Variants in TMC1 observed in about 807,000 individuals in gnomAD.
TMC1 encodes the protein transmembrane channel like 1, also known as transmembrane channel-like protein 1.
A neutral mutation model predicts 105.8 loss-of-function variants in TMC1; 84 were observed. That is an observed-to-expected ratio of 0.79 (90% CI 0.67 to 0.95). The LOEUF is 0.95. Ranked by LOEUF, TMC1 falls within the 40% of genes least tolerant of loss-of-function variation. The pLI is 0.00. For missense variants in TMC1, 817 were observed against 914.1 expected (o/e 0.89, Z 1.37); for synonymous variants, 315 against 311.5 (o/e 1.01, Z -0.12).
intron 1 of TMC1, among the ~76,000 whole-genome samples, chr9:72,568,745 C>A (rs541321083): frequency 6.6e-6 from 1 of 152,218 alleles, no homozygotes; most frequent in South Asian, 2.1e-4. Flanking sequence ...AGATAGTGGA[C>A]CAAACATTTG....
intron 23 of TMC1, among the ~76,000 whole-genome samples, chr9:72,834,521 G>T (rs777443328): frequency 2.0e-5 from 3 of 152,072 alleles, no homozygotes; most frequent in Non-Finnish European, 4.4e-5. Context: ...CTCTTAAGCT[G>T]ATCAGATTCC....
At chr9:72,554,390 C>T (rs1032551768) in intron 1 of TMC1, among the ~76,000 whole-genome samples, 10 of 152,174 alleles carry the variant, frequency 6.6e-5, no homozygotes, top group African/African-American at 2.4e-4. Flanking sequence ...CCATGTGGAC[C>T]TGAATTCTTT....
intron 2 of TMC1, among the ~76,000 whole-genome samples, chr9:72,603,860 T>G (rs1184435575): frequency 1.5e-4 from 22 of 142,766 alleles, no homozygotes; most frequent in East Asian, 1.0e-3. Flanking sequence ...TTTTTTTTTT[T>G]TTTTTTTTTT....
chr9:72,821,086 C>G lies in TMC1; in HGVS notation c.2003+5C>G, dbSNP rs1828864806. On this transcript the variant is annotated splice_donor_5th_base_variant and intron_variant, in intron 20 of 23. Coordinates refer to ENST00000297784, the MANE Select transcript of TMC1 (RefSeq NM_138691.3). Reference sequence around the variant, plus strand: ...TTTTGATTGTGGTCCATTCAGGTCTCTTGCTTTTGAAATTTGACTCAGGCA... The same window carrying G: ...TTTTGATTGTGGTCCATTCAGGTCTGTTGCTTTTGAAATTTGACTCAGGCA... 6.2e-7 allele frequency: 1 copy of G among 1,614,168 alleles called. No homozygotes were observed. The highest frequency in any genetic ancestry group is 1.3e-5 in the African/African-American group (1 of 75,038).
At chr9:72,569,572 C>T (rs959596832) in intron 1 of TMC1, among the ~76,000 whole-genome samples, 14 of 152,096 alleles carry the variant, frequency 9.2e-5, no homozygotes, top group African/African-American at 3.4e-4. Context: ...AACTATTCTC[C>T]AGGTGGATGG....
chr9:72,534,341 T>C (rs1823544211), intron 1 of TMC1, among the ~76,000 whole-genome samples: 1 of 152,070 alleles, frequency 6.6e-6, no homozygotes, highest in Non-Finnish European at 1.5e-5. Context: ...AATATCACAT[T>C]AGGATCCAAC....
At chr9:72,538,008 T>C (rs889293380) in intron 1 of TMC1, among the ~76,000 whole-genome samples, 6 of 151,742 alleles carry the variant, frequency 4.0e-5, no homozygotes, top group Non-Finnish European at 7.4e-5. Context: ...ATAAAAAAAT[T>C]AGATGGGCAT....
chr9:72,543,408 A>G (rs1477645730), intron 1 of TMC1, among the ~76,000 whole-genome samples: 3 of 152,140 alleles, frequency 2.0e-5, no homozygotes, highest in African/African-American at 7.2e-5. Flanking sequence ...TATTGGAATA[A>G]CCTTCTTATT....
At chr9:72,550,107 C>T (rs1254444680) in intron 1 of TMC1, among the ~76,000 whole-genome samples, 3 of 152,032 alleles carry the variant, frequency 2.0e-5, no homozygotes, top group Non-Finnish European at 4.4e-5. Context: ...GAATGCAGGA[C>T]AAATTGCCCT....
At chr9:72,579,498 T>A (rs972246181) in intron 2 of TMC1, among the ~76,000 whole-genome samples, 2 of 152,198 alleles carry the variant, frequency 1.3e-5, no homozygotes, top group African/African-American at 4.8e-5. Flanking sequence ...TTGATTCTGA[T>A]GCCAGTCCAG....
chr9:72,524,520 A>C (rs1241656617), intron 1 of TMC1, among the ~76,000 whole-genome samples: 1 of 152,216 alleles, frequency 6.6e-6, no homozygotes, highest in Non-Finnish European at 1.5e-5. Context: ...ATGCGATCTC[A>C]TTTGATCACT....
chr9:72,699,519 T>C (rs1826606705), intron 7 of TMC1, among the ~76,000 whole-genome samples: 1 of 152,158 alleles, frequency 6.6e-6, no homozygotes, highest in Non-Finnish European at 1.5e-5. Context: ...ATTATCCTTA[T>C]TGAGAAATAA....
chr9:72,717,820 T>C (rs2117934588), intron 8 of TMC1, among the ~76,000 whole-genome samples: 1 of 152,348 alleles, frequency 6.6e-6, no homozygotes, highest in East Asian at 1.9e-4. Flanking sequence ...GTTGAACTTC[T>C]TGTATTTGGA....
At chr9:72,562,624 C>G (rs1824077173) in intron 1 of TMC1, among the ~76,000 whole-genome samples, 1 of 152,118 alleles carries the variant, frequency 6.6e-6, no homozygotes, top group Non-Finnish European at 1.5e-5. Context: ...GAAGATATAA[C>G]CTCATCTCTC....
At chr9:72,793,033 G>A (rs1828302342) in intron 17 of TMC1, among the ~76,000 whole-genome samples, 2 of 152,096 alleles carry the variant, frequency 1.3e-5, no homozygotes, top group East Asian at 1.9e-4. Context: ...GTGGATCTTT[G>A]GAACCCTTGT....
chr9:72,637,608 ATTTCCC>A (rs1825556852), intron 4 of TMC1, among the ~76,000 whole-genome samples: 1 of 152,194 alleles, frequency 6.6e-6, no homozygotes, highest in Non-Finnish European at 1.5e-5. Context: ...TAGAAGACCT[ATTTCCC>A]AGAGACCACA....
At chr9:72,591,295 G>T (rs1260116244) in intron 2 of TMC1, among the ~76,000 whole-genome samples, 1 of 152,174 alleles carries the variant, frequency 6.6e-6, no homozygotes, top group African/African-American at 2.4e-5. Flanking sequence ...AGTAGTTCTG[G>T]CCTTGGCTTT....
intron 18 of TMC1, among the ~76,000 whole-genome samples, chr9:72,806,678 G>C (rs1417022467): frequency 6.6e-6 from 1 of 151,834 alleles, no homozygotes; most frequent in Non-Finnish European, 1.5e-5. Context: ...CGGCCGGGCA[G>C]AGGCGCTCCT....
At chr9:72,548,382 G>T (rs1732819366) in intron 1 of TMC1, among the ~76,000 whole-genome samples, 3 of 152,042 alleles carry the variant, frequency 2.0e-5, no homozygotes, top group African/African-American at 7.2e-5. Context: ...GATCAGCCTG[G>T]CCAAGATGGT....
Sources: allele counts gnomAD v4.1 joint callset (sites outside exome capture counted in the v4.1 genomes callset), GRCh38; gene constraint gnomAD v4.1.1; transcripts MANE v1.5; gene names NCBI Gene and HGNC (gene_info 2026-07-23, HGNC 2026-07-21).